The following SPATA13 variants were observed in gnomAD, a reference collection of about 807,000 sequenced individuals.
SPATA13 encodes the protein spermatogenesis-associated protein 13.
A neutral mutation model predicts 104.0 loss-of-function variants in SPATA13; 50 were observed. That is an observed-to-expected ratio of 0.48 (90% confidence interval 0.38 to 0.61). The LOEUF (loss-of-function observed/expected upper bound fraction) is 0.61. SPATA13 is among the 20% of genes least tolerant of loss of function. The pLI is 0.00. For synonymous variants in SPATA13, 606 were observed against 667.5 expected (o/e 0.91, Z 1.42); for missense variants, 1,524 against 1,690.6 (o/e 0.90, Z 1.73).
At chr13:24,095,852 G>C (rs1880060634) in intron 3 of SPATA13, among the ~76,000 whole-genome samples, 1 of 152,196 alleles carries the variant, frequency 6.6e-6, no homozygotes, top group African/African-American at 2.4e-5. Context: ...TATGAAATGG[G>C]TCTTGTTTCT....
intron 2 of SPATA13, among the ~76,000 whole-genome samples, chr13:24,246,672 A>G (rs903994648): frequency 6.6e-6 from 1 of 152,166 alleles, no homozygotes; most frequent in Non-Finnish European, 1.5e-5. Context: ...ATTCTGGCCA[A>G]CATGGTGAAA....
chr13:24,023,566 A>G (rs1167518431), intron 3 of SPATA13, among the ~76,000 whole-genome samples: 1 of 152,188 alleles, frequency 6.6e-6, no homozygotes, highest in East Asian at 1.9e-4. Flanking sequence ...GATGGACTTA[A>G]GGTTGCTAAT....
chr13:24,221,874 G>A (rs1244996821), intron 1 of SPATA13, among the ~76,000 whole-genome samples: 3 of 147,388 alleles, frequency 2.0e-5, no homozygotes, highest in African/African-American at 7.6e-5. Context: ...GTGCAGTGGC[G>A]CAATCTTGGC....
chr13:24,044,173 G>T (rs184361759), intron 3 of SPATA13, among the ~76,000 whole-genome samples: 1 of 152,148 alleles, frequency 6.6e-6, no homozygotes, highest in East Asian at 1.9e-4. Flanking sequence ...ACACCACAGT[G>T]ATGGCCTGGT....
intron 3 of SPATA13, among the ~76,000 whole-genome samples, chr13:24,119,651 C>T (rs1880969581): frequency 6.6e-6 from 1 of 152,154 alleles, no homozygotes; most frequent in Non-Finnish European, 1.5e-5. Context: ...AGCCCCTTTG[C>T]AAGCTTTGTC....
chr13:24,013,257 T>A (rs1344275758), intron 2 of SPATA13, among the ~76,000 whole-genome samples: 1 of 152,220 alleles, frequency 6.6e-6, no homozygotes, highest in African/African-American at 2.4e-5. Flanking sequence ...GCTCCCGCTC[T>A]GTAAGTGGAA....
chr13:24,290,695 C>T lies in SPATA13; in HGVS notation c.2891C>T (p.Pro964Leu), dbSNP rs748908677. 2.6e-5 allele frequency: 42 copies of T among 1,614,086 alleles called. No homozygotes were observed. Among genetic ancestry groups the T allele is most frequent in the South Asian group, 3.3e-5 (3 of 91,078 alleles). The change falls in exon 9 of 13, where the codon CCG becomes CTG. Residue 964 changes from proline (P) to leucine (L), a missense_variant. Around this residue, in one of 2 missense-constraint regions of SPATA13, gnomAD observed 435 missense variants for 554.8 expected, o/e 0.78. Coordinates refer to ENST00000382108, the MANE Select transcript of SPATA13 (RefSeq NM_001166271.3). ...TATTCCGAGTACTGCAACAACCACC[C>T]GGGCGCCTGCCTGGAGCTCGCCAAC... ...AIYSEYCNNH[P>L]GACLELANLM...
At chr13:24,245,866 G>A (rs1242616923) in intron 2 of SPATA13, among the ~76,000 whole-genome samples, 3 of 152,084 alleles carry the variant, frequency 2.0e-5, no homozygotes, top group African/African-American at 4.8e-5. Flanking sequence ...TGGGATTAGC[G>A]GTGTGAACCA....
intron 4 of SPATA13, among the ~76,000 whole-genome samples, chr13:24,281,781 T>C (rs1205799617): frequency 6.6e-6 from 1 of 151,940 alleles, no homozygotes; most frequent in Non-Finnish European, 1.5e-5. Context: ...AGGTGGGAGG[T>C]GGCCTGAGCA....
intron 1 of SPATA13, among the ~76,000 whole-genome samples, chr13:24,219,452 A>G (rs781296780): frequency 5.3e-5 from 8 of 152,346 alleles, no homozygotes; most frequent in South Asian, 4.1e-4. Context: ...GAAAATTTCA[A>G]CTTCTTCACT....
chr13:24,191,253 G>A (rs920351717), intron 1 of SPATA13, among the ~76,000 whole-genome samples: 7 of 151,988 alleles, frequency 4.6e-5, no homozygotes, highest in African/African-American at 2.4e-5. Flanking sequence ...TGGGATTATA[G>A]ACATGAGCCA....
intron 1 of SPATA13, among the ~76,000 whole-genome samples, chr13:24,211,570 T>C: frequency 6.6e-6 from 1 of 152,186 alleles, no homozygotes. Flanking sequence ...ATATTGTGTA[T>C]TTATTTAGTA....
upstream of SPATA13, among the ~76,000 whole-genome samples, chr13:24,159,218 G>T (rs951316885): frequency 6.6e-6 from 1 of 151,908 alleles, no homozygotes; most frequent in African/African-American, 2.4e-5. Context: ...AAATAAAATG[G>T]AACAGTCAAT....
At chr13:24,125,073 T>C (rs1881165217) in intron 3 of SPATA13, among the ~76,000 whole-genome samples, 1 of 152,222 alleles carries the variant, frequency 6.6e-6, no homozygotes, top group Non-Finnish European at 1.5e-5. Flanking sequence ...GGCCCCATTG[T>C]CTCTCCTCTC....
chr13:24,059,735 G>A (rs1323934177), intron 3 of SPATA13, among the ~76,000 whole-genome samples: 2 of 152,184 alleles, frequency 1.3e-5, no homozygotes, highest in Non-Finnish European at 2.9e-5. Context: ...TTTACCAGGT[G>A]AAGAGCTTTG....
chr13:24,101,855 A>G (rs1382178117), intron 3 of SPATA13, among the ~76,000 whole-genome samples: 2 of 152,294 alleles, frequency 1.3e-5, no homozygotes, highest in African/African-American at 4.8e-5. Flanking sequence ...GTGTGTGTTT[A>G]CCACATGTTC....
chr13:24,002,507 G>T (rs1474087954), intron 2 of SPATA13, among the ~76,000 whole-genome samples: 1 of 152,122 alleles, frequency 6.6e-6, no homozygotes, highest in African/African-American at 2.4e-5. Flanking sequence ...AGCACGGTTG[G>T]CTTAGGGAAA....
At chr13:24,093,906 C>T (rs1879985771) in intron 3 of SPATA13, among the ~76,000 whole-genome samples, 1 of 151,866 alleles carries the variant, frequency 6.6e-6, no homozygotes, top group African/African-American at 2.4e-5. Context: ...CTGATGCAGC[C>T]TCAACTGTAA....
chr13:24,148,093 G>A (rs1881991098), intron 3 of SPATA13, among the ~76,000 whole-genome samples: 1 of 152,162 alleles, frequency 6.6e-6, no homozygotes, highest in African/African-American at 2.4e-5. Flanking sequence ...CCTGCTTTCA[G>A]TTCTTTTCCG....
Sources: allele counts gnomAD v4.1 joint callset (sites outside exome capture counted in the v4.1 genomes callset), GRCh38; gene constraint gnomAD v4.1.1; regional missense constraint gnomAD v4.1.1; transcripts MANE v1.5; gene names NCBI Gene and HGNC (gene_info 2026-07-23, HGNC 2026-07-21).